Variants in GTF3C5 observed in about 807,000 individuals in gnomAD.
GTF3C5 encodes the protein general transcription factor 3C polypeptide 5.
In GTF3C5, 47 loss-of-function variants were observed where a neutral mutation model predicts 61.0. That is an observed-to-expected ratio of 0.77 (90% CI 0.61 to 0.98). GTF3C5 has a LOEUF of 0.98. Ranked by LOEUF, GTF3C5 falls within the 50% of genes least tolerant of loss-of-function variation. GTF3C5 has a pLI of 0.00. For missense variants in GTF3C5, 659 were observed against 703.3 expected, an observed-to-expected ratio of 0.94 and a Z score of 0.71; for synonymous variants, 295 against 275.4, an observed-to-expected ratio of 1.07 and a Z score of -0.71.
chr9:133,049,117 T>C (rs1208381851), intron 3 of GTF3C5, among the ~76,000 whole-genome samples: 2 of 152,182 alleles, frequency 1.3e-5, no homozygotes, highest in Non-Finnish European at 2.9e-5. Context: ...CTGTTGACTT[T>C]GCCATCAGCA....
In GTF3C5 at chr9:133,037,948, G is replaced by A. The variant is rs201802140; in HGVS notation, c.154-4139G>A. On this transcript the variant is annotated intron_variant, in intron 1 of 10. Transcript: ENST00000372097. ...CGCTCTTCTGGCCACCAGAGCACAC[G>A]GAACAAAGGAGGAAAGGTTCCTGTG... Among the ~76,000 whole-genome samples the A allele has an allele frequency of 3.4e-4, 52 of 152,248 alleles. 2 individuals are homozygous for A. The East Asian group carries it at 8.9e-3, about 26-fold the overall frequency.
At chr9:133,034,854 A>G (rs1849821939) in intron 1 of GTF3C5, among the ~76,000 whole-genome samples, 1 of 152,196 alleles carries the variant, frequency 6.6e-6, no homozygotes, top group Admixed American at 6.5e-5. Flanking sequence ...AAACGTAGCA[A>G]TGTCAGCAAT....
chr9:133,032,096 A>G (rs1849749875), intron 1 of GTF3C5, among the ~76,000 whole-genome samples: 1 of 152,046 alleles, frequency 6.6e-6, no homozygotes. Context: ...AAAGGAAGGT[A>G]AAAGGCTAAA....
intron 1 of GTF3C5, among the ~76,000 whole-genome samples, chr9:133,036,504 C>A (rs1372957224): frequency 1.3e-5 from 2 of 152,136 alleles, no homozygotes; most frequent in African/African-American, 4.8e-5. Context: ...AGGAACACCA[C>A]AGGTTGCCAG....
At chr9:133,031,966 G>A (rs1313877762) in intron 1 of GTF3C5, among the ~76,000 whole-genome samples, 4 of 152,118 alleles carry the variant, frequency 2.6e-5, no homozygotes, top group East Asian at 1.9e-4. Flanking sequence ...CGTAAAGAAC[G>A]AGGGGTTAAA....
intron 3 of GTF3C5, chr9:133,044,146 C>CAAAAAAAAAA (rs34524914): frequency 9.6e-6 from 1 of 104,146 alleles, no homozygotes; most frequent in African/African-American, 4.6e-5. Context: ...CTTTGTCTCC[C>CAAAAAAAAAA]AAAAAAAAAA....
chr9:133,057,790 T>C (rs1255872623), intron 10 of GTF3C5, 24 bp from the exon 11 acceptor site: 1 of 1,570,870 alleles, frequency 6.4e-7, no homozygotes, highest in East Asian at 2.2e-5. Flanking sequence ...GGGACACCCA[T>C]GGCCTTGTCT....
In GTF3C5 at chr9:133,050,944, C is replaced by G; in HGVS notation, c.734C>G (p.Pro245Arg). 1 of 1,612,358 alleles carries G rather than the reference C, an allele frequency of 6.2e-7. No individual in the cohort carries two copies. Among genetic ancestry groups the G allele is most frequent in the Non-Finnish European group, 8.5e-7 (1 of 1,179,302 alleles). The change falls in exon 4 of 11, where the codon CCC (proline) becomes CGC (arginine). Residue 245 changes from proline (P) to arginine (R), a missense_variant. Transcript: ENST00000372097. ...ACGTGGAGGAGAGTCTGCACTAACC[C>G]CGTGGACCGGAAGGTGGAGGAGGAG... is the stretch of plus-strand genomic sequence containing the variant. ...AQTWRRVCTN[P>R]VDRKVEEELR...
At chr9:133,042,334 T>C (rs1185077847) in intron 2 of GTF3C5, 28 bp downstream of exon 2, 5 of 1,454,084 alleles carry the variant, frequency 3.4e-6, no homozygotes, top group Non-Finnish European at 4.8e-6. Context: ...TTGCAATGTC[T>C]GGTTATTTCA....
rs138361491 is a variant in GTF3C5, at chr9:133,032,352, G to A, written c.153+1188G>A. 2.3e-3 allele frequency among the ~76,000 whole-genome samples: 345 copies of A among 152,266 alleles called. 2 individuals are homozygous for A. Among genetic ancestry groups the A allele is most frequent in the African/African-American group, 7.9e-3 (329 of 41,538 alleles). Reference sequence around the variant, plus strand: ...CTATTTTAAATAGAACAGGGGTGTGGGTTACAGTGACGGGACGAGCGATTT... The same window carrying A: ...CTATTTTAAATAGAACAGGGGTGTGAGTTACAGTGACGGGACGAGCGATTT... On this transcript the variant is annotated intron_variant, in intron 1 of 10. Transcript: ENST00000372097.
In GTF3C5 at chr9:133,052,085, C is replaced by T. The variant is rs1850398641; in HGVS notation, c.794C>T (p.Ser265Phe). 6.2e-7 allele frequency: 1 copy of T among 1,606,970 alleles called. No homozygotes were observed. Among genetic ancestry groups the T allele is most frequent in the Non-Finnish European group, 8.5e-7 (1 of 1,175,750 alleles). ...RKLFDIRPIW[S>F]RNAVKANISV... ...CTGTTTGACATCCGTCCCATCTGGT[C>T]CCGAAATGCTGTCAAGGCCAACATC... Residue 265 changes from serine to phenylalanine, a missense_variant, in exon 5 of 11, where the codon TCC becomes TTC. Coordinates refer to ENST00000372097, the MANE Select transcript of GTF3C5 (RefSeq NM_012087.4).
chr9:133,050,887 T>G lies in GTF3C5; in HGVS notation c.677T>G (p.Val226Gly). ...AIFVNFEDEE[V>G]PKQPLEAAAQ... ...TTTGTCAACTTTGAGGATGAGGAGG[T>G]GCCCAAGCAGCCACTGGAGGCTGCA... The change falls in exon 4 of 11, where the codon GTG becomes GGG. Residue 226 changes from valine to glycine, a missense_variant. Physicochemically the swap from Val to Gly is moderately radical, Grantham distance 109. Coordinates refer to ENST00000372097, the MANE Select transcript of GTF3C5 (RefSeq NM_012087.4). The G allele has an allele frequency of 6.2e-7, 1 of 1,613,110 alleles. No individual in the cohort carries two copies. The highest frequency in any genetic ancestry group is 8.5e-7 in the Non-Finnish European group (1 of 1,179,658).
chr9:133,055,313 G>C (rs1396552258), intron 8 of GTF3C5: 5 of 1,382,544 alleles, frequency 3.6e-6, no homozygotes, highest in Non-Finnish European at 4.8e-6. Context: ...GGGGGAGGCC[G>C]AGAAGGGGGC....
chr9:133,056,897 C>T lies in GTF3C5; in HGVS notation c.1382C>T (p.Ser461Phe). 1 of 1,602,948 alleles carries T rather than the reference C, an allele frequency of 6.2e-7. No individual in the cohort carries two copies. The highest frequency in any genetic ancestry group is 1.1e-5 in the South Asian group (1 of 89,500). The change falls in exon 10 of 11, where the codon TCC (serine) becomes TTC (phenylalanine). Residue 461 changes from serine (S) to phenylalanine (F), a missense_variant. Ser to Phe is a radical substitution (Grantham distance 155). Transcript: ENST00000372097. ...MSLMIRQTIR[S>F]KRPALFSSSA... Reference sequence around the variant, plus strand: ...CTCATGATCCGGCAGACCATCCGCTCCAAGAGGCCTGGTAAGAGCCGCTTG... The same window carrying T: ...CTCATGATCCGGCAGACCATCCGCTTCAAGAGGCCTGGTAAGAGCCGCTTG...
chr9:133,058,138 A>C lies in GTF3C5; in HGVS notation c.*158A>C. ...AGCAAAGGGTGCAGCTGACCCTAGC[A>C]CTGGCTGTGACATGCTGCTTGGTGC... On this transcript the variant is annotated 3_prime_UTR_variant, in exon 11 of 11. Transcript: ENST00000372097. 6.8e-7 allele frequency: 1 copy of C among 1,462,904 alleles called. No individual in the cohort carries two copies. Among genetic ancestry groups the C allele is most frequent in the Non-Finnish European group, 9.0e-7 (1 of 1,108,784 alleles). 90.6% of individuals were successfully genotyped at this position (1,462,904 alleles called of 1,614,324 possible). A position where few individuals can be genotyped will look rare whatever the true frequency, so the allele number is the denominator to read the frequency against.
At chr9:133,037,120 G>A (rs1381056374) in intron 1 of GTF3C5, among the ~76,000 whole-genome samples, 1 of 152,110 alleles carries the variant, frequency 6.6e-6, no homozygotes, top group Admixed American at 6.5e-5. Flanking sequence ...ACTGTCCGTC[G>A]ATACTGTTGC....
At chr9:133,040,816 C>T (rs914477317) in intron 1 of GTF3C5, among the ~76,000 whole-genome samples, 1 of 151,988 alleles carries the variant, frequency 6.6e-6, no homozygotes, top group African/African-American at 2.4e-5. Flanking sequence ...GGCAAGAGAC[C>T]GAGGGCATGA....
At chr9:133,036,845 C>T (rs1191363420) in intron 1 of GTF3C5, among the ~76,000 whole-genome samples, 1 of 152,156 alleles carries the variant, frequency 6.6e-6, no homozygotes, top group African/African-American at 2.4e-5. Flanking sequence ...TGTTCAGTTC[C>T]TGTCCTTCGT....
intron 2 of GTF3C5, among the ~76,000 whole-genome samples, chr9:133,042,828 A>T (rs2118995123): frequency 6.6e-6 from 1 of 152,332 alleles, no homozygotes; most frequent in East Asian, 1.9e-4. Context: ...AGACTCTGGC[A>T]TTGTGCCTGC....
Sources: allele counts gnomAD v4.1 joint callset (sites outside exome capture counted in the v4.1 genomes callset), GRCh38; gene constraint gnomAD v4.1.1; transcripts MANE v1.5; gene names NCBI Gene and HGNC (gene_info 2026-07-23, HGNC 2026-07-21).